The following THUMPD2 variants were observed in gnomAD, a reference collection of about 807,000 sequenced individuals.
THUMPD2 encodes U6 snRNA (guanine-N(2))-methyltransferase THUMPD2.
Under a neutral mutation model 49.4 loss-of-function variants are expected in THUMPD2, and 56 were observed. The ratio of observed to expected loss-of-function variants is 1.13; its 90% confidence interval spans 0.91 to 1.41. The LOEUF (loss-of-function observed/expected upper bound fraction) is 1.41. Among genes scored for constraint, THUMPD2 ranks in the 40% most tolerant of loss-of-function variants. THUMPD2 has a pLI of 0.00. For missense variants in THUMPD2, 709 were observed against 594.5 expected, an observed-to-expected ratio of 1.19 and a Z score of -2.00; for synonymous variants, 237 against 205.2, an observed-to-expected ratio of 1.15 and a Z score of -1.32.
intron 9 of THUMPD2, among the ~76,000 whole-genome samples, chr2:39,743,771 C>T (rs999098448): frequency 6.6e-6 from 1 of 152,214 alleles, no homozygotes; most frequent in Non-Finnish European, 1.5e-5. Flanking sequence ...GATGCTGGCA[C>T]TGTGCTTCTT....
intron 1 of THUMPD2, 54 bp downstream of exon 1, chr2:39,779,060 C>A: frequency 7.1e-7 from 1 of 1,406,960 alleles, no homozygotes; most frequent in Non-Finnish European, 9.2e-7. Context: ...GGGTGGGCAA[C>A]AGGGCAGGGA....
chr2:39,737,941 C>G (rs970555249), intron 9 of THUMPD2, among the ~76,000 whole-genome samples: 1 of 152,044 alleles, frequency 6.6e-6, no homozygotes, highest in Non-Finnish European at 1.5e-5. Flanking sequence ...GTAAGGAGTT[C>G]AGCTTGGAAC....
rs1016928706 is a variant in THUMPD2, at chr2:39,779,249, G to C, written c.-10C>G. On this transcript the variant is annotated 5_prime_UTR_variant, in exon 1 of 10. Transcript: ENST00000505747. Reference sequence around the variant, plus strand: ...CACGCGCCTCCGACATGGCGGCTCAGGCGCGCCCTCGCGCCTTCGGGTCAC... The same window carrying C: ...CACGCGCCTCCGACATGGCGGCTCACGCGCGCCCTCGCGCCTTCGGGTCAC... The C allele has an allele frequency of 2.0e-6, 3 of 1,483,192 alleles. No homozygotes were observed. The highest frequency in any genetic ancestry group is 1.8e-6 in the Non-Finnish European group (2 of 1,124,978). The allele number at this position is 1,483,192 out of a possible 1,614,324, so 91.9% of individuals were successfully genotyped here. A position where few individuals can be genotyped will look rare whatever the true frequency, so the allele number is the denominator to read the frequency against.
At chr2:39,767,398 A>G (rs1305205359) in intron 4 of THUMPD2, among the ~76,000 whole-genome samples, 1 of 151,476 alleles carries the variant, frequency 6.6e-6, no homozygotes, top group Non-Finnish European at 1.5e-5. Context: ...AGGTCAGGAG[A>G]TCGAGACCAT....
chr2:39,772,512 G>C (rs1678470495), intron 1 of THUMPD2, among the ~76,000 whole-genome samples: 1 of 152,160 alleles, frequency 6.6e-6, no homozygotes, highest in Admixed American at 6.5e-5. Context: ...ATAATGAATA[G>C]AAGCAAGACA....
chr2:39,753,030 C>T (rs573463320), intron 8 of THUMPD2, among the ~76,000 whole-genome samples: 6 of 152,178 alleles, frequency 3.9e-5, no homozygotes, highest in African/African-American at 1.4e-4. Flanking sequence ...TGCCAAATTC[C>T]TCCTTTTCAT....
intron 5 of THUMPD2, among the ~76,000 whole-genome samples, chr2:39,762,077 A>C (rs1444287815): frequency 6.6e-6 from 1 of 152,192 alleles, no homozygotes; most frequent in Non-Finnish European, 1.5e-5. Context: ...GAAATTTTCA[A>C]AATGTCATCT....
chr2:39,738,678 C>T (rs796646159), intron 9 of THUMPD2, among the ~76,000 whole-genome samples: 4 of 117,070 alleles, frequency 3.4e-5, no homozygotes, highest in Non-Finnish European at 7.0e-5. Context: ...TGTATATATA[C>T]ACATATATAC....
At chr2:39,768,831 A>C (rs532735746) in intron 3 of THUMPD2, 15 of 1,118,562 alleles carry the variant, frequency 1.3e-5, no homozygotes, top group Non-Finnish European at 1.7e-5. Context: ...TGCAAGCTGA[A>C]AGATTAACTA....
At chr2:39,775,602 C>A (rs1678965726) in intron 1 of THUMPD2, among the ~76,000 whole-genome samples, 1 of 151,772 alleles carries the variant, frequency 6.6e-6, no homozygotes, top group East Asian at 1.9e-4. Flanking sequence ...AGCAGAAACC[C>A]TGTCTGTACT....
chr2:39,751,428 G>T (rs1426550366), intron 8 of THUMPD2, among the ~76,000 whole-genome samples: 1 of 152,194 alleles, frequency 6.6e-6, no homozygotes. Context: ...TAATTGGAAG[G>T]AAAGAAAATA....
At chr2:39,760,865 TAAAAA>T (rs1479414320) in intron 6 of THUMPD2, among the ~76,000 whole-genome samples, 1 of 152,012 alleles carries the variant, frequency 6.6e-6, no homozygotes, top group East Asian at 1.9e-4. Flanking sequence ...TGCAAAAACT[TAAAAA>T]AATACAATAT....
intron 8 of THUMPD2, among the ~76,000 whole-genome samples, chr2:39,746,004 G>A (rs1387679425): frequency 6.6e-6 from 1 of 152,144 alleles, no homozygotes; most frequent in Admixed American, 6.5e-5. Context: ...CTGTAAAATG[G>A]AATAAGATTA....
At chr2:39,742,785 G>C (rs1297169828) in intron 9 of THUMPD2, among the ~76,000 whole-genome samples, 1 of 152,174 alleles carries the variant, frequency 6.6e-6, no homozygotes. Context: ...TTAAGTTAGC[G>C]CCTTCGTGGG....
Position 39,779,245 on chromosome 2 carries a change from C to G in THUMPD2, c.-6G>C. 1 of 1,487,026 alleles carries G rather than the reference C, an allele frequency of 6.7e-7. No individual in the cohort carries two copies. The highest frequency in any genetic ancestry group is 8.9e-7 in the Non-Finnish European group (1 of 1,126,360). The allele number at this position is 1,487,026 out of a possible 1,614,324, so 92.1% of individuals were successfully genotyped here. On this transcript the variant is annotated 5_prime_UTR_variant, in exon 1 of 10. Transcript: ENST00000505747. The stretch of plus-strand genomic sequence containing the variant: ...TCTCCACGCGCCTCCGACATGGCGG[C>G]TCAGGCGCGCCCTCGCGCCTTCGGG...
chr2:39,737,747 G>A (rs1673305535), intron 9 of THUMPD2, among the ~76,000 whole-genome samples: 1 of 152,180 alleles, frequency 6.6e-6, no homozygotes, highest in Non-Finnish European at 1.5e-5. Context: ...GAAGATACCT[G>A]TGCTATGAGT....
intron 8 of THUMPD2, 93 bp from the exon 9 acceptor site, chr2:39,744,571 G>T: frequency 2.5e-6 from 2 of 784,420 alleles, no homozygotes; most frequent in Non-Finnish European, 4.0e-6. Flanking sequence ...GATTATTTTT[G>T]CGTAACAGAT....
Position 39,769,690 on chromosome 2 carries a change from A to G in THUMPD2, c.672+20T>C, listed in dbSNP as rs780037762. 1.3e-5 allele frequency: 20 copies of G among 1,490,276 alleles called. No individual in the cohort carries two copies. The highest frequency in any genetic ancestry group is 1.7e-5 in the Non-Finnish European group (19 of 1,126,904). 92.3% of individuals were successfully genotyped at this position (1,490,276 alleles called of 1,614,324 possible). A position where few individuals can be genotyped will look rare whatever the true frequency, so the allele number is the denominator to read the frequency against. On this transcript the variant is annotated intron_variant, in intron 3 of 9. Coordinates refer to ENST00000505747, the MANE Select transcript of THUMPD2 (RefSeq NM_025264.5). ...CATTCCAGCCTGGGCGACAGACTCC[A>G]CTTTAGGATGCAAGCATACCTGTGC...
At chr2:39,743,203 G>A (rs1674129418) in intron 9 of THUMPD2, among the ~76,000 whole-genome samples, 1 of 152,104 alleles carries the variant, frequency 6.6e-6, no homozygotes, top group Non-Finnish European at 1.5e-5. Flanking sequence ...TACATAGCAG[G>A]CTCTTGAAAT....
Sources: allele counts gnomAD v4.1 joint callset (sites outside exome capture counted in the v4.1 genomes callset), GRCh38; gene constraint gnomAD v4.1.1; transcripts MANE v1.5; gene names NCBI Gene and HGNC (gene_info 2026-07-23, HGNC 2026-07-21).